The following NCMAP variants were observed in gnomAD, a reference collection of about 807,000 sequenced individuals.
NCMAP encodes the protein non-compact myelin associated protein.
NCMAP carries 8 observed loss-of-function variants against 7.8 expected under a neutral mutation model. The ratio of observed to expected loss-of-function variants is 1.02; its 90% CI spans 0.60 to 1.84. NCMAP has a LOEUF of 1.84. NCMAP is among the 40% of genes most tolerant of loss of function. The pLI, the probability that NCMAP is intolerant of heterozygous loss-of-function variation, is 0.00. For missense variants in NCMAP, 112 were observed against 131.4 expected (o/e 0.85, Z 0.72); for synonymous variants, 41 against 52.9 (o/e 0.78, Z 0.98).
At chr1:24,568,981 T>C (rs1651307856) in intron 1 of NCMAP, among the ~76,000 whole-genome samples, 4 of 151,992 alleles carry the variant, frequency 2.6e-5, no homozygotes. Flanking sequence ...TGGAGGAAGT[T>C]CTTCCACAGC....
Position 24,605,788 on chromosome 1 carries a change from T to C in NCMAP, c.*41T>C. On this transcript the variant is annotated 3_prime_UTR_variant, in exon 4 of 4. Coordinates refer to ENST00000374392, the MANE Select transcript of NCMAP (RefSeq NM_001010980.5). ...TATCTCCACCACTGTCCAAAGAGCC[T>C]CTCCAGAGTCAAGACCCAGAGGCAC... The C allele has an allele frequency of 6.2e-7, 1 of 1,604,884 alleles. No individual in the cohort carries two copies. Among genetic ancestry groups the C allele is most frequent in the Non-Finnish European group, 8.5e-7 (1 of 1,173,088 alleles).
intron 1 of NCMAP, among the ~76,000 whole-genome samples, chr1:24,581,080 G>A (rs1214624354): frequency 6.6e-5 from 10 of 150,868 alleles, no homozygotes; most frequent in South Asian, 4.2e-4. Context: ...ATGAATAGTC[G>A]TGCTCCATCT....
At chr1:24,570,095 C>T (rs1351848064) in intron 1 of NCMAP, among the ~76,000 whole-genome samples, 1 of 149,862 alleles carries the variant, frequency 6.7e-6, no homozygotes, top group Non-Finnish European at 1.5e-5. Context: ...CAGATGTGAG[C>T]CACCACACCT....
At chr1:24,569,001 T>C (rs111475402) in intron 1 of NCMAP, among the ~76,000 whole-genome samples, 4,741 of 150,402 alleles carry the variant, frequency 0.032, 281 homozygotes, top group African/African-American at 0.11. Flanking sequence ...CTTTAATTCC[T>C]AATATATTTG....
intron 1 of NCMAP, among the ~76,000 whole-genome samples, chr1:24,583,875 C>T (rs1440674071): frequency 6.6e-6 from 1 of 152,142 alleles, no homozygotes; most frequent in East Asian, 1.9e-4. Context: ...GACTCAGCTC[C>T]TCCACTGACC....
At chr1:24,575,181 A>C (rs1258049606) in intron 1 of NCMAP, among the ~76,000 whole-genome samples, 2 of 151,890 alleles carry the variant, frequency 1.3e-5, no homozygotes, top group Non-Finnish European at 2.9e-5. Context: ...ACTGCACTCC[A>C]GCCTGGGCGA....
chr1:24,601,596 A>G (rs1266617146), intron 3 of NCMAP, among the ~76,000 whole-genome samples: 1 of 152,214 alleles, frequency 6.6e-6, no homozygotes, highest in African/African-American at 2.4e-5. Flanking sequence ...TAGAAGACCT[A>G]GAAGCCATTT....
At chr1:24,562,285 G>A (rs889644310) in intron 1 of NCMAP, among the ~76,000 whole-genome samples, 8 of 152,152 alleles carry the variant, frequency 5.3e-5, no homozygotes, top group African/African-American at 9.7e-5. Flanking sequence ...GGCATTCTAC[G>A]AATCACTTTG....
At chr1:24,573,958 A>AAAAAAAAAAAAAAAAAAAAAAC in intron 1 of NCMAP, among the ~76,000 whole-genome samples, 1 of 91,922 alleles carries the variant, frequency 1.1e-5, no homozygotes, top group Non-Finnish European at 2.5e-5. Flanking sequence ...AGGACAAAAA[A>AAAAAAAAAAAAAAAAAAAAAAC]AAAAAAAAAA....
chr1:24,584,367 G>A (rs1162255548), intron 1 of NCMAP, among the ~76,000 whole-genome samples: 3 of 152,220 alleles, frequency 2.0e-5, no homozygotes, highest in Non-Finnish European at 4.4e-5. Context: ...AGCAAAGTAA[G>A]CCTTGTGACC....
At chr1:24,559,584 G>A (rs1650991139) in intron 1 of NCMAP, among the ~76,000 whole-genome samples, 1 of 152,332 alleles carries the variant, frequency 6.6e-6, no homozygotes, top group South Asian at 2.1e-4. Flanking sequence ...GGAACAGAGG[G>A]TGTGCCAACC....
chr1:24,566,418 T>C (rs1401110386), intron 1 of NCMAP, among the ~76,000 whole-genome samples: 1 of 152,154 alleles, frequency 6.6e-6, no homozygotes, highest in Non-Finnish European at 1.5e-5. Flanking sequence ...GGAGATATTA[T>C]GAGGCTGTCT....
At chr1:24,586,536 G>A (rs747456982) in intron 1 of NCMAP, among the ~76,000 whole-genome samples, 143 of 152,312 alleles carry the variant, frequency 9.4e-4, no homozygotes, top group Non-Finnish European at 1.6e-3. Context: ...GCCGAGGAGG[G>A]CGGATCACAA....
chr1:24,601,523 G>A lies in NCMAP; in HGVS notation c.167+499G>A, dbSNP rs528850247. On this transcript the variant is annotated intron_variant, in intron 3 of 3. Coordinates refer to ENST00000374392, the MANE Select transcript of NCMAP (RefSeq NM_001010980.5). ...TGTAATTACCTTCAGTCACAACCTTGATGGAAGGTAATTCTTTTCAGGGAA... is the reference window on the plus strand; with the variant it reads ...TGTAATTACCTTCAGTCACAACCTTAATGGAAGGTAATTCTTTTCAGGGAA... Among the ~76,000 whole-genome samples, 8 of 152,320 alleles carry A rather than the reference G, an allele frequency of 5.3e-5. No individual in the cohort carries two copies. In the South Asian group the frequency reaches 1.2e-3, roughly 24 times the overall value.
intron 1 of NCMAP, among the ~76,000 whole-genome samples, chr1:24,562,940 C>G (rs1233088057): frequency 6.6e-6 from 1 of 152,190 alleles, no homozygotes; most frequent in Non-Finnish European, 1.5e-5. Context: ...TGCCCTTTCT[C>G]CAGGGCACAT....
At chr1:24,592,158 C>T (rs1421640477) in intron 1 of NCMAP, among the ~76,000 whole-genome samples, 9 of 152,172 alleles carry the variant, frequency 5.9e-5, no homozygotes, top group Non-Finnish European at 1.5e-5. Flanking sequence ...AGCAGTTTGG[C>T]AGAGGGTGGT....
At chr1:24,601,750 T>C (rs1164602935) in intron 3 of NCMAP, among the ~76,000 whole-genome samples, 1 of 151,904 alleles carries the variant, frequency 6.6e-6, no homozygotes, top group East Asian at 1.9e-4. Flanking sequence ...ACAAATATAT[T>C]TGCATATGGG....
Position 24,562,685 on chromosome 1 carries a change from G to T in NCMAP, c.-8+6516G>T, listed in dbSNP as rs535851802. ...GCCTGTCACTTTGGTGCAGATATTG[G>T]CAGCTACAGCCATGCTGGAGTGAGG... On this transcript the variant is annotated intron_variant, in intron 1 of 3. Coordinates refer to ENST00000374392, the MANE Select transcript of NCMAP (RefSeq NM_001010980.5). 2.0e-5 allele frequency among the ~76,000 whole-genome samples: 3 copies of T among 152,276 alleles called. No homozygotes were observed. The South Asian group carries it at 6.2e-4, about 32-fold the overall frequency.
At chr1:24,557,388 T>A (rs966181902) in intron 1 of NCMAP, among the ~76,000 whole-genome samples, 1 of 151,544 alleles carries the variant, frequency 6.6e-6, no homozygotes, top group Non-Finnish European at 1.5e-5. Context: ...CATGTGTGTA[T>A]GTGTGCATGT....
Sources: allele counts gnomAD v4.1 joint callset (sites outside exome capture counted in the v4.1 genomes callset), GRCh38; gene constraint gnomAD v4.1.1; transcripts MANE v1.5; gene names NCBI Gene and HGNC (gene_info 2026-07-23, HGNC 2026-07-21).